The following SLIT3 variants were observed in gnomAD, a reference collection of about 807,000 sequenced individuals.
The protein encoded by SLIT3 is slit homolog 3 protein.
SLIT3 carries 68 observed loss-of-function variants against 184.0 expected under a neutral mutation model. That is an observed-to-expected ratio of 0.37 (90% confidence interval 0.30 to 0.45). SLIT3 has a LOEUF of 0.45. Ranked by LOEUF, SLIT3 falls within the 20% of genes least tolerant of loss-of-function variation. SLIT3 has a pLI of 1.00. For missense variants in SLIT3, 1,707 were observed against 2,026.0 expected (o/e 0.84, Z 3.02); for synonymous variants, 831 against 828.6 (o/e 1.00, Z -0.05).
chr5:168,917,292 C>A (rs890803251), intron 4 of SLIT3, among the ~76,000 whole-genome samples: 1 of 152,110 alleles, frequency 6.6e-6, no homozygotes, highest in Non-Finnish European at 1.5e-5. Context: ...CTTACTATAC[C>A]TTGAGACTTA....
chr5:168,674,488 A>AC (rs1378543785), intron 32 of SLIT3, among the ~76,000 whole-genome samples: 1 of 125,038 alleles, frequency 8.0e-6, no homozygotes, highest in African/African-American at 3.2e-5. Flanking sequence ...TGGGATATTC[A>AC]CTTTTTTTTT....
intron 4 of SLIT3, among the ~76,000 whole-genome samples, chr5:168,950,528 C>G (rs1222408553): frequency 4.6e-5 from 7 of 152,216 alleles, no homozygotes; most frequent in Non-Finnish European, 8.8e-5. Context: ...AATTCTGTTT[C>G]TAGGAAAAAA....
At chr5:169,277,882 G>A (rs1481808393) in intron 1 of SLIT3, among the ~76,000 whole-genome samples, 2 of 152,220 alleles carry the variant, frequency 1.3e-5, no homozygotes, top group African/African-American at 4.8e-5. Flanking sequence ...CAGCAATGTA[G>A]GAGGGTTCCA....
chr5:169,245,411 C>T (rs770868496), intron 2 of SLIT3, among the ~76,000 whole-genome samples: 3 of 152,078 alleles, frequency 2.0e-5, no homozygotes, highest in Admixed American at 2.0e-4. Flanking sequence ...GTCTGGTTCA[C>T]GCATAGAGTA....
chr5:169,233,553 A>T (rs1765085528), intron 3 of SLIT3, among the ~76,000 whole-genome samples: 1 of 152,174 alleles, frequency 6.6e-6, no homozygotes, highest in South Asian at 2.1e-4. Context: ...GCACCTAACA[A>T]CACAATTTAC....
rs1371077899 is a variant in SLIT3 at position 169,300,920 on chromosome 5, G to C, written c.-211C>G. On this transcript the variant is annotated 5_prime_UTR_variant, in exon 1 of 36. Transcript: ENST00000519560. The surrounding 1 kb of genome is among the most constrained non-coding windows in gnomAD (Gnocchi z 4.1). The stretch of plus-strand genomic sequence containing the variant: ...CGGCAGCAACAGCAGCTCCATCGGC[G>C]GGGCCGGCGCTGCCCCGCTGCGCAT... 3 of 256,778 alleles carry C rather than the reference G, an allele frequency of 1.2e-5. No homozygotes were observed. The highest frequency in any genetic ancestry group is 8.4e-5 in the East Asian group (1 of 11,880). The allele number at this position is 256,778 out of a possible 1,614,324, so 15.9% of individuals were successfully genotyped here.
At chr5:168,762,159 C>A (rs1034772108) in intron 15 of SLIT3, among the ~76,000 whole-genome samples, 1 of 151,932 alleles carries the variant, frequency 6.6e-6, no homozygotes, top group African/African-American at 2.4e-5. Flanking sequence ...TATATTTAAT[C>A]ATTCTAGTTG....
intron 5 of SLIT3, among the ~76,000 whole-genome samples, chr5:168,879,076 A>T (rs1435164443): frequency 6.6e-6 from 1 of 152,226 alleles, no homozygotes; most frequent in Admixed American, 6.5e-5. Flanking sequence ...CGTCAAAACT[A>T]CAAAATTATT....
At chr5:168,904,826 T>C (rs1760991552) in intron 4 of SLIT3, among the ~76,000 whole-genome samples, 1 of 152,128 alleles carries the variant, frequency 6.6e-6, no homozygotes, top group Non-Finnish European at 1.5e-5. Flanking sequence ...TTCTAGACAT[T>C]CCTGGGGTTT....
chr5:169,184,868 G>T (rs1264329330), intron 4 of SLIT3, among the ~76,000 whole-genome samples: 2 of 152,160 alleles, frequency 1.3e-5, no homozygotes, highest in African/African-American at 4.8e-5. Flanking sequence ...AAGATCCTTA[G>T]GTGTTCAGAT....
chr5:169,263,868 T>G (rs931791613), intron 1 of SLIT3, among the ~76,000 whole-genome samples: 4 of 151,632 alleles, frequency 2.6e-5, no homozygotes, highest in Non-Finnish European at 5.9e-5. Context: ...CCAAAGGACC[T>G]TGAAGAGGAT....
At chr5:169,171,643 G>A (rs1392746844) in intron 4 of SLIT3, among the ~76,000 whole-genome samples, 1 of 152,232 alleles carries the variant, frequency 6.6e-6, no homozygotes, top group Non-Finnish European at 1.5e-5. Context: ...CAGGATGGCA[G>A]AGCAAACAAG....
intron 5 of SLIT3, among the ~76,000 whole-genome samples, chr5:168,875,190 G>A (rs1759685651): frequency 7.4e-6 from 1 of 135,126 alleles, no homozygotes; most frequent in African/African-American, 2.8e-5. Flanking sequence ...GAAGACAGAG[G>A]GGGAAGAGAG....
chr5:169,286,157 A>G (rs1247450166), intron 1 of SLIT3, among the ~76,000 whole-genome samples: 1 of 152,148 alleles, frequency 6.6e-6, no homozygotes, highest in Non-Finnish European at 1.5e-5. Flanking sequence ...CTTAGCTACT[A>G]ATGGCATTCA....
Position 168,696,293 on chromosome 5 carries a change from T to C in SLIT3, c.3081A>G (p.Thr1027=). The change falls in exon 28 of 36, where the codon ACA becomes ACG. Residue 1027 remains threonine, a splice_region_variant and synonymous_variant. Transcript: ENST00000519560. ...NYVCICPPNY[T]GELCDEVIDH... ...TACATACAGTCATGAGATCCTTACC[T>C]GTGTAGTTAGGCGGACAGATACACA... 1 of 1,614,100 alleles carries C rather than the reference T, an allele frequency of 6.2e-7. No individual in the cohort carries two copies. The highest frequency in any genetic ancestry group is 2.2e-5 in the East Asian group (1 of 44,868).
At chr5:169,186,108 CCT>C (rs1763323981) in intron 4 of SLIT3, among the ~76,000 whole-genome samples, 1 of 152,150 alleles carries the variant, frequency 6.6e-6, no homozygotes. Flanking sequence ...CTGAAATGCC[CCT>C]GACCCTCCCT....
In SLIT3 at chr5:168,661,870, C is replaced by T. The variant is rs559164043; in HGVS notation, c.*4584G>A. ...TTTATTCCATACTGGGGAAGTGCCACTATAACATTGTTTTAAAAAATCTTC... is the reference window on the plus strand; with the variant it reads ...TTTATTCCATACTGGGGAAGTGCCATTATAACATTGTTTTAAAAAATCTTC... On this transcript the variant is annotated 3_prime_UTR_variant, in exon 36 of 36. Coordinates refer to ENST00000519560, the MANE Select transcript of SLIT3 (RefSeq NM_003062.4). The T allele has an allele frequency of 2.0e-5, 3 of 152,290 alleles. No individual in the cohort carries two copies. The highest frequency in any genetic ancestry group is 6.5e-5 in the Admixed American group (1 of 15,294). 9.4% of individuals were successfully genotyped at this position (152,290 alleles called of 1,614,324 possible). A position where few individuals can be genotyped will look rare whatever the true frequency, so the allele number is the denominator to read the frequency against.
rs188068270 is a variant in SLIT3, at chr5:169,281,848, C to T, written c.197+18665G>A. Among the ~76,000 whole-genome samples the T allele has an allele frequency of 3.7e-3, 543 of 145,116 alleles. 1 individual carries two copies. Among genetic ancestry groups the T allele is most frequent in the Middle Eastern group, 7.2e-3 (2 of 278 alleles). On this transcript the variant is annotated intron_variant, in intron 1 of 35. Transcript: ENST00000519560. ...GCATACTTCATTGACATTGGGCTAG[C>T]CAGTGTTTCTTAACCAGAGGTAATT...
At chr5:169,261,695 C>A (rs969973378) in intron 1 of SLIT3, among the ~76,000 whole-genome samples, 2 of 152,194 alleles carry the variant, frequency 1.3e-5, no homozygotes, top group African/African-American at 4.8e-5. Flanking sequence ...TATTTCTTTG[C>A]TGAATGCCGC....
Sources: gnomAD v4.1 joint callset for allele counts (sites outside exome capture counted in the v4.1 genomes callset) on GRCh38, gnomAD v4.1.1 for gene constraint, Gnocchi (gnomAD v3.1) non-coding constraint, MANE v1.5 for transcripts, NCBI Gene and HGNC (gene_info 2026-07-23, HGNC 2026-07-21) for gene names.